The following LINGO2 variants were observed in gnomAD, a reference collection of about 807,000 sequenced individuals.
The protein encoded by LINGO2 is leucine-rich repeat and immunoglobulin-like domain-containing nogo receptor-interacting protein 2.
A neutral mutation model predicts 30.6 loss-of-function variants in LINGO2; 14 were observed. The ratio of observed to expected loss-of-function variants is 0.46; its 90% confidence interval spans 0.30 to 0.72. The LOEUF (loss-of-function observed/expected upper bound fraction) is 0.72. Ranked by LOEUF, LINGO2 falls within the 30% of genes least tolerant of loss-of-function variation. The pLI is 0.07. For synonymous variants in LINGO2, 317 were observed against 288.5 expected, an observed-to-expected ratio of 1.10 and a Z score of -1.00; for missense variants, 729 against 751.7, an observed-to-expected ratio of 0.97 and a Z score of 0.35.
intron 2 of LINGO2, among the ~76,000 whole-genome samples, chr9:28,401,144 T>C (rs538889657): frequency 6.6e-6 from 1 of 152,128 alleles, no homozygotes; most frequent in African/African-American, 2.4e-5. Context: ...AAGGGTACAA[T>C]TAAGATTTTA....
intron 1 of LINGO2, among the ~76,000 whole-genome samples, chr9:28,663,234 C>T (rs893806746): frequency 6.6e-6 from 1 of 151,956 alleles, no homozygotes; most frequent in African/African-American, 2.4e-5. Context: ...GCAGTGGTGC[C>T]ATCTCGGCTC....
chr9:28,277,770 G>C (rs4341239), intron 4 of LINGO2, among the ~76,000 whole-genome samples: 151,053 of 151,256 alleles, frequency 1, 75,425 homozygotes, highest in Middle Eastern at 1. Flanking sequence ...TAGCCTAGAT[G>C]GTGCCACGCA....
chr9:29,035,461 T>C, the LINGO2 span, among the ~76,000 whole-genome samples: 2 of 151,814 alleles, frequency 1.3e-5, no homozygotes, highest in South Asian at 4.2e-4. Context: ...ACTTGGACGG[T>C]TGAATCCAGT....
the LINGO2 span, among the ~76,000 whole-genome samples, chr9:29,211,150 C>A: frequency 6.6e-6 from 1 of 152,034 alleles, no homozygotes; most frequent in Non-Finnish European, 1.5e-5. Flanking sequence ...TTTCCAAGAC[C>A]CTGAAACTGC....
the LINGO2 span, among the ~76,000 whole-genome samples, chr9:28,958,987 C>T: frequency 6.6e-6 from 1 of 152,162 alleles, no homozygotes; most frequent in South Asian, 2.1e-4. Flanking sequence ...ACTCAGATAA[C>T]TTTGTGGTAG....
intron 4 of LINGO2, among the ~76,000 whole-genome samples, chr9:28,020,308 C>G (rs10812727): frequency 0.24 from 36,614 of 152,002 alleles, 4,736 homozygotes; most frequent in East Asian, 0.49. Flanking sequence ...GAGGGCAGAC[C>G]ACTTGAGGTC....
intron 2 of LINGO2, among the ~76,000 whole-genome samples, chr9:28,467,178 A>G (rs1825348096): frequency 6.6e-6 from 1 of 151,984 alleles, no homozygotes; most frequent in South Asian, 2.1e-4. Flanking sequence ...GGTACCCACC[A>G]CCACGCCTGG....
intron 2 of LINGO2, among the ~76,000 whole-genome samples, chr9:28,403,926 T>C (rs189622636): frequency 3.4e-4 from 52 of 152,254 alleles, no homozygotes; most frequent in South Asian, 1.2e-3. Context: ...TCTATTCTTC[T>C]CCCAATTCCT....
chr9:28,006,331 A>T (rs1822265184), intron 5 of LINGO2, among the ~76,000 whole-genome samples: 1 of 107,470 alleles, frequency 9.3e-6, no homozygotes, highest in African/African-American at 3.7e-5. Context: ...CTTACCTAAG[A>T]TTAAAAAAAT....
At chr9:28,717,342 T>TA in the LINGO2 span, among the ~76,000 whole-genome samples, 2,681 of 112,316 alleles carry the variant, frequency 0.024, 45 homozygotes, top group African/African-American at 0.054. Context: ...GACCCTAATC[T>TA]AAAAAAAAAA....
rs1827893078 is a variant in LINGO2, at chr9:28,148,784, C to T, written c.-86-136379G>A. The T allele has an allele frequency of 6.5e-7, 1 of 1,533,978 alleles. No homozygotes were observed. The highest frequency in any genetic ancestry group is 2.0e-5 in the Admixed American group (1 of 50,974). ...TCCAACAGTGCTCCCTGCCCCAGTT[C>T]CAGGCTGCTCCCTGTGGCCAGAGAA... On this transcript the variant is annotated intron_variant, in intron 4 of 5. Transcript: ENST00000379992. The surrounding 1 kb of genome is among the most constrained non-coding windows in gnomAD (Gnocchi z 5.1).
At chr9:29,201,852 T>C in the LINGO2 span, among the ~76,000 whole-genome samples, 1 of 152,000 alleles carries the variant, frequency 6.6e-6, no homozygotes, top group Non-Finnish European at 1.5e-5. Flanking sequence ...TTTTCACCCC[T>C]ATTTTACATA....
the LINGO2 span, among the ~76,000 whole-genome samples, chr9:28,845,321 C>T: frequency 1.3e-5 from 2 of 151,808 alleles, no homozygotes; most frequent in Admixed American, 6.6e-5. Flanking sequence ...TCTCTGAATA[C>T]TCTGTGAAAA....
chr9:29,048,680 AT>A, the LINGO2 span, among the ~76,000 whole-genome samples: 2 of 152,194 alleles, frequency 1.3e-5, no homozygotes, highest in African/African-American at 4.8e-5. Flanking sequence ...CAGTGAACTC[AT>A]TTTTGACAAA....
At chr9:28,301,291 G>C (rs192005762) in intron 3 of LINGO2, among the ~76,000 whole-genome samples, 107 of 151,710 alleles carry the variant, frequency 7.1e-4, no homozygotes, top group African/African-American at 2.3e-3. Context: ...CTATTGAGGA[G>C]TCACCATCCA....
chr9:28,967,364 A>G, the LINGO2 span, among the ~76,000 whole-genome samples: 1 of 152,184 alleles, frequency 6.6e-6, no homozygotes, highest in Non-Finnish European at 1.5e-5. Flanking sequence ...TGGAGAATAC[A>G]AACTATCCTA....
At chr9:28,601,050 T>C (rs1825444668) in intron 1 of LINGO2, among the ~76,000 whole-genome samples, 1 of 152,158 alleles carries the variant, frequency 6.6e-6, no homozygotes, top group African/African-American at 2.4e-5. Context: ...TGTTGAGTTT[T>C]GTGGAAAAGA....
the LINGO2 span, among the ~76,000 whole-genome samples, chr9:28,982,589 T>A: frequency 1.3e-5 from 2 of 152,010 alleles, no homozygotes; most frequent in African/African-American, 4.8e-5. Flanking sequence ...TAGAATGTAA[T>A]GTTGCAACAA....
intron 4 of LINGO2, among the ~76,000 whole-genome samples, chr9:28,203,980 C>T (rs4878835): frequency 0.08 from 12,118 of 152,136 alleles, 690 homozygotes; most frequent in East Asian, 0.21. Context: ...CATTCTGAAT[C>T]TTCAAAAAAG....
Sources: allele counts gnomAD v4.1 joint callset (sites outside exome capture counted in the v4.1 genomes callset), GRCh38; gene constraint gnomAD v4.1.1; non-coding constraint Gnocchi (gnomAD v3.1); transcripts MANE v1.5; gene names NCBI Gene and HGNC (gene_info 2026-07-23, HGNC 2026-07-21).